Variants in UST observed in about 807,000 individuals in gnomAD.
UST encodes uronyl 2-sulfotransferase, also known as chondroitin sulfate 2-O-sulfotransferase.
UST carries 21 observed loss-of-function variants against 45.6 expected under a neutral mutation model. That is an observed-to-expected ratio of 0.46 (90% confidence interval 0.33 to 0.66). The LOEUF is 0.66. UST is among the 30% of genes least tolerant of loss of function. The pLI, the probability that UST is intolerant of heterozygous loss-of-function variation, is 0.02. For synonymous variants in UST, 215 were observed against 200.6 expected (o/e 1.07, Z -0.61); for missense variants, 463 against 512.4 (o/e 0.90, Z 0.93).
chr6:148,841,581 G>GTTTTTTTTTTTT (rs770638985), intron 1 of UST, among the ~76,000 whole-genome samples: 2 of 111,288 alleles, frequency 1.8e-5, no homozygotes, highest in Non-Finnish European at 3.7e-5. Context: ...GGTCTGTTTT[G>GTTTTTTTTTTTT]TTTTTGTTTT....
chr6:148,783,653 G>A (rs1317998479), intron 1 of UST, among the ~76,000 whole-genome samples: 1 of 152,148 alleles, frequency 6.6e-6, no homozygotes, highest in Non-Finnish European at 1.5e-5. Flanking sequence ...TTTTAGAATT[G>A]GAAGAGGCCT....
chr6:148,780,476 C>T (rs1776623905), intron 1 of UST, among the ~76,000 whole-genome samples: 1 of 152,114 alleles, frequency 6.6e-6, no homozygotes. Context: ...GTCTGCTGTT[C>T]CCCTCTTTGT....
At chr6:148,841,768 C>T (rs76775070) in intron 1 of UST, among the ~76,000 whole-genome samples, 7,470 of 152,198 alleles carry the variant, frequency 0.049, 305 homozygotes, top group African/African-American at 0.11. Flanking sequence ...TTTCACTACC[C>T]TTAAAATACT....
At position 148,747,368 on chromosome 6, in the gene UST, C is replaced by G; in HGVS notation, c.-63C>G. ...GCAGCCGGCCAGCCGGGCTCTCCTC[C>G]TCGCGGCGGATGGGTGACCTTTTCC... On this transcript the variant is annotated 5_prime_UTR_variant, in exon 1 of 8. Coordinates refer to ENST00000367463, the MANE Select transcript of UST (RefSeq NM_005715.3). 7.3e-7 allele frequency: 1 copy of G among 1,362,174 alleles called. No homozygotes were observed. Among genetic ancestry groups the G allele is most frequent in the Non-Finnish European group, 9.5e-7 (1 of 1,052,482 alleles). 84.4% of individuals were successfully genotyped at this position (1,362,174 alleles called of 1,614,324 possible). A position where few individuals can be genotyped will look rare whatever the true frequency, so the allele number is the denominator to read the frequency against.
rs567974632 is a variant in UST, at chr6:149,046,694, G to A, written c.937+25213G>A. On this transcript the variant is annotated intron_variant, in intron 7 of 7. Coordinates refer to ENST00000367463, the MANE Select transcript of UST (RefSeq NM_005715.3). ...GGAGATAATGTGCCCGTGCACCGAT[G>A]TACAGTTTCCAAGGCACTTTTCTAA... is the stretch of plus-strand genomic sequence containing the variant. Among the ~76,000 whole-genome samples, 3 of 152,370 alleles carry A rather than the reference G, an allele frequency of 2.0e-5. No individual in the cohort carries two copies. In the South Asian group the frequency reaches 6.2e-4, roughly 32 times the overall value.
intron 1 of UST, among the ~76,000 whole-genome samples, chr6:148,802,580 C>T (rs560902557): frequency 6.6e-6 from 1 of 152,204 alleles, no homozygotes; most frequent in Non-Finnish European, 1.5e-5. Context: ...TTCTCTCTCT[C>T]TCATGCTGTT....
rs1237282449 is a variant in UST, at chr6:148,956,210, G to A, written c.527+2259G>A. ...TACCATATAGGGATGCTCTGAACCT[G>A]TGAAGGAAAGGCCTTCTGAGAGAAG... On this transcript the variant is annotated intron_variant, in intron 4 of 7. Transcript: ENST00000367463. 2.6e-5 allele frequency: 4 copies of A among 153,218 alleles called. No homozygotes were observed. The Admixed American group carries it at 2.6e-4, about 10-fold the overall frequency. The allele number at this position is 153,218 out of a possible 1,614,324, so 9.5% of individuals were successfully genotyped here. A position where few individuals can be genotyped will look rare whatever the true frequency, so the allele number is the denominator to read the frequency against.
intron 5 of UST, among the ~76,000 whole-genome samples, chr6:149,010,708 C>T (rs1414107412): frequency 6.6e-6 from 1 of 151,890 alleles, no homozygotes; most frequent in East Asian, 1.9e-4. Flanking sequence ...GCCTGACCAA[C>T]ATGGTGAAAA....
In UST at chr6:149,049,962, C is replaced by CACACACAG. The variant is rs574284527; in HGVS notation, c.938-23867_938-23866insACAGACAC. ...ACACACACACACACACACACACACA[C>CACACACAG]ACACGTGGCCCTTTCTTGTATACAG... On this transcript the variant is annotated intron_variant, in intron 7 of 7. Transcript: ENST00000367463. Among the ~76,000 whole-genome samples the CACACACAG allele has an allele frequency of 8.7e-3, 1,284 of 146,940 alleles. 14 individuals are homozygous for CACACACAG. Among genetic ancestry groups the CACACACAG allele is most frequent in the African/African-American group, 0.027 (1,093 of 39,840 alleles).
At chr6:148,992,758 T>C (rs947894580) in intron 5 of UST, among the ~76,000 whole-genome samples, 1 of 152,146 alleles carries the variant, frequency 6.6e-6, no homozygotes, top group Non-Finnish European at 1.5e-5. Flanking sequence ...AGCATGAGAA[T>C]ACAGGTCAGG....
chr6:148,947,023 TAGA>T (rs1324618605), intron 3 of UST, among the ~76,000 whole-genome samples: 1 of 151,428 alleles, frequency 6.6e-6, no homozygotes, highest in East Asian at 1.9e-4. Flanking sequence ...TGCCCCATGT[TAGA>T]AGGAGGAATA....
chr6:148,926,564 T>C (rs778633800), intron 2 of UST, among the ~76,000 whole-genome samples: 7 of 152,234 alleles, frequency 4.6e-5, no homozygotes, highest in Non-Finnish European at 1.0e-4. Context: ...TGCCTCATGG[T>C]CACAGGATTG....
chr6:148,749,888 A>G (rs1775954680), intron 1 of UST, among the ~76,000 whole-genome samples: 1 of 152,232 alleles, frequency 6.6e-6, no homozygotes, highest in South Asian at 2.1e-4. Flanking sequence ...AACTGAAAAT[A>G]GAATACCCTT....
At chr6:148,987,521 G>A (rs1278984843) in intron 5 of UST, among the ~76,000 whole-genome samples, 3 of 152,224 alleles carry the variant, frequency 2.0e-5, no homozygotes, top group African/African-American at 7.2e-5. Context: ...TGAGTAAGCT[G>A]CAGAAGACTT....
rs560916991 is a variant in UST, at chr6:149,035,160, T to G, written c.937+13679T>G. Among the ~76,000 whole-genome samples the G allele has an allele frequency of 8.5e-5, 13 of 152,268 alleles. No homozygotes were observed. In the East Asian group the frequency reaches 2.3e-3, roughly 27 times the overall value. On this transcript the variant is annotated intron_variant, in intron 7 of 7. Transcript: ENST00000367463. ...CCCTCAATTGCCATCTTTTGAACAT[T>G]TTTTCTCTGGAAGAGTTCCTCAATT...
At chr6:149,037,093 A>C (rs892666610) in intron 7 of UST, among the ~76,000 whole-genome samples, 1 of 151,878 alleles carries the variant, frequency 6.6e-6, no homozygotes, top group African/African-American at 2.4e-5. Flanking sequence ...ACAGGCATGG[A>C]GTGGGGGAGT....
At chr6:148,759,057 G>T (rs1223337345) in intron 1 of UST, among the ~76,000 whole-genome samples, 1 of 152,144 alleles carries the variant, frequency 6.6e-6, no homozygotes, top group Admixed American at 6.5e-5. Flanking sequence ...AGTCATGTGA[G>T]CCTCCAAGGC....
At chr6:148,938,271 A>G (rs1300481720) in intron 2 of UST, among the ~76,000 whole-genome samples, 1 of 152,220 alleles carries the variant, frequency 6.6e-6, no homozygotes, top group African/African-American at 2.4e-5. Context: ...CTTTATGTAC[A>G]AAGCACATTC....
At chr6:148,901,735 T>C (rs1312844814) in intron 2 of UST, among the ~76,000 whole-genome samples, 1 of 152,038 alleles carries the variant, frequency 6.6e-6, no homozygotes, top group Non-Finnish European at 1.5e-5. Flanking sequence ...TTTTTGTATT[T>C]TTAGTAGAGA....
Sources: allele counts gnomAD v4.1 joint callset (sites outside exome capture counted in the v4.1 genomes callset), GRCh38; gene constraint gnomAD v4.1.1; transcripts MANE v1.5; gene names NCBI Gene and HGNC (gene_info 2026-07-23, HGNC 2026-07-21).